The following KCNJ3 variants were observed in gnomAD, a reference collection of about 807,000 sequenced individuals.
The protein encoded by KCNJ3 is potassium inwardly rectifying channel subfamily J member 3.
A neutral mutation model predicts 39.2 loss-of-function variants in KCNJ3; 4 were observed. That is an observed-to-expected ratio of 0.10 (90% confidence interval 0.05 to 0.23). KCNJ3 has a LOEUF of 0.23. Among genes scored for constraint, KCNJ3 ranks in the 10% least tolerant of loss-of-function variants. KCNJ3 has a pLI of 1.00. For missense variants in KCNJ3, 276 were observed against 634.9 expected, an observed-to-expected ratio of 0.43 and a Z score of 6.08; for synonymous variants, 230 against 237.4, an observed-to-expected ratio of 0.97 and a Z score of 0.29.
At chr2:154,808,855 T>C (rs1686960993) in intron 2 of KCNJ3, among the ~76,000 whole-genome samples, 1 of 152,140 alleles carries the variant, frequency 6.6e-6, no homozygotes, top group East Asian at 1.9e-4. Context: ...TCATGAATCT[T>C]TTTCTGTACA....
chr2:154,836,614 AAAT>A (rs149937273), intron 2 of KCNJ3, among the ~76,000 whole-genome samples: 146,096 of 152,148 alleles, frequency 0.96, 70,178 homozygotes, highest in East Asian at 1. Flanking sequence ...ACATGTACTA[AAAT>A]AATATATATT....
intron 2 of KCNJ3, among the ~76,000 whole-genome samples, chr2:154,830,135 T>C (rs545700289): frequency 2.2e-4 from 33 of 152,288 alleles, no homozygotes; most frequent in African/African-American, 6.7e-4. Flanking sequence ...ATACAGGAAA[T>C]TCCTCCTCTG....
chr2:154,823,387 C>T (rs967565090), intron 2 of KCNJ3, among the ~76,000 whole-genome samples: 1 of 143,018 alleles, frequency 7.0e-6, no homozygotes, highest in Non-Finnish European at 1.5e-5. Context: ...ATTGCAGTAC[C>T]GTAGAAACTT....
At chr2:154,727,334 C>T (rs150880037) in intron 2 of KCNJ3, among the ~76,000 whole-genome samples, 5,784 of 151,750 alleles carry the variant, frequency 0.038, 182 homozygotes, top group Non-Finnish European at 0.052. Flanking sequence ...GCCTGTAATC[C>T]CAGCACTTTG....
In KCNJ3 at chr2:154,709,837, T is replaced by C; in HGVS notation, c.919+18T>C. On this transcript the variant is annotated intron_variant, in intron 2 of 2. Transcript: ENST00000295101. ...AACAACTGGTGAGTAAAAACAGATATGCCATAAAGTTTCTTTATACCATAA... is the reference window on the plus strand; with the variant it reads ...AACAACTGGTGAGTAAAAACAGATACGCCATAAAGTTTCTTTATACCATAA... 6.2e-7 allele frequency: 1 copy of C among 1,612,316 alleles called. No homozygotes were observed. Among genetic ancestry groups the C allele is most frequent in the Non-Finnish European group, 8.5e-7 (1 of 1,178,990 alleles).
intron 2 of KCNJ3, among the ~76,000 whole-genome samples, chr2:154,776,088 G>A (rs941389875): frequency 4.0e-5 from 6 of 149,810 alleles, no homozygotes; most frequent in African/African-American, 1.2e-4. Context: ...TGCAACCCCC[G>A]CCTCCTGGGT....
intron 2 of KCNJ3, among the ~76,000 whole-genome samples, chr2:154,814,361 G>A (rs1410456900): frequency 6.6e-6 from 1 of 152,062 alleles, no homozygotes; most frequent in East Asian, 1.9e-4. Context: ...ATTTTGGCTG[G>A]GTGCAGTGGC....
chr2:154,753,900 C>T (rs1685892128), intron 2 of KCNJ3, among the ~76,000 whole-genome samples: 1 of 152,068 alleles, frequency 6.6e-6, no homozygotes, highest in African/African-American at 2.4e-5. Context: ...TAGCAGAGTT[C>T]CCACTTACAC....
chr2:154,806,121 G>A (rs1447888934), intron 2 of KCNJ3, among the ~76,000 whole-genome samples: 6 of 152,034 alleles, frequency 3.9e-5, no homozygotes, highest in African/African-American at 7.2e-5. Context: ...GTTTCCTCTC[G>A]AGAATTGTGA....
intron 2 of KCNJ3, among the ~76,000 whole-genome samples, chr2:154,738,802 G>T (rs956214623): frequency 5.9e-5 from 9 of 151,924 alleles, no homozygotes; most frequent in Non-Finnish European, 1.0e-4. Context: ...AAAAGAAGGT[G>T]CAATTAAGCA....
intron 2 of KCNJ3, among the ~76,000 whole-genome samples, chr2:154,742,056 T>C (rs997847041): frequency 5.9e-5 from 9 of 151,810 alleles, no homozygotes; most frequent in Admixed American, 1.3e-4. Context: ...ACATGCTCAG[T>C]CCCTGGAAAC....
rs146412929 is a variant in KCNJ3 at position 154,742,587 on chromosome 2, G to A, written c.919+32768G>A. ...CATCCTAATTGATCTGAGGTGGTAT[G>A]TCATTATTGTTTTGGTTTGGAGTTC... On this transcript the variant is annotated intron_variant, in intron 2 of 2. Transcript: ENST00000295101. Among the ~76,000 whole-genome samples the A allele has an allele frequency of 1.7e-3, 260 of 151,892 alleles. 1 individual carries two copies. Among genetic ancestry groups the A allele is most frequent in the African/African-American group, 6.0e-3 (249 of 41,480 alleles).
intron 2 of KCNJ3, among the ~76,000 whole-genome samples, chr2:154,710,363 C>T (rs2105152115): frequency 6.6e-6 from 1 of 152,148 alleles, no homozygotes; most frequent in Middle Eastern, 3.4e-3. Context: ...GAACCTTGAC[C>T]AAAATTTCAT....
intron 2 of KCNJ3, among the ~76,000 whole-genome samples, chr2:154,808,138 T>C (rs13014946): frequency 6.6e-6 from 1 of 150,814 alleles, no homozygotes; most frequent in East Asian, 2.0e-4. Context: ...TGGAGTGCAG[T>C]GGAACAATCT....
At position 154,806,694 on chromosome 2, in the gene KCNJ3, A is replaced by G. The variant is rs568313360; in HGVS notation, c.920-48033A>G. On this transcript the variant is annotated intron_variant, in intron 2 of 2. Coordinates refer to ENST00000295101, the MANE Select transcript of KCNJ3 (RefSeq NM_002239.4). ...CACTCAGATTTTCACATCATGTGTA[A>G]GGCTACCATCAACATGACTCCAATC... Among the ~76,000 whole-genome samples, 3 of 152,292 alleles carry G rather than the reference A, an allele frequency of 2.0e-5. No homozygotes were observed. In the East Asian group the frequency reaches 5.8e-4, roughly 29 times the overall value.
chr2:154,814,155 T>A (rs971590731), intron 2 of KCNJ3, among the ~76,000 whole-genome samples: 3 of 152,218 alleles, frequency 2.0e-5, no homozygotes, highest in African/African-American at 7.2e-5. Flanking sequence ...AATTTTCTTT[T>A]TAAAACTAAA....
At chr2:154,778,282 C>A (rs1182843366) in intron 2 of KCNJ3, among the ~76,000 whole-genome samples, 1 of 151,868 alleles carries the variant, frequency 6.6e-6, no homozygotes. Context: ...TCATTTTGTT[C>A]TTTTATTAAA....
chr2:154,827,400 G>T (rs1687288298), intron 2 of KCNJ3, among the ~76,000 whole-genome samples: 1 of 152,012 alleles, frequency 6.6e-6, no homozygotes, highest in Non-Finnish European at 1.5e-5. Context: ...ATCGTCCTGT[G>T]ACTTAATGCT....
chr2:154,798,451 G>T (rs1012311440), intron 2 of KCNJ3, among the ~76,000 whole-genome samples: 4 of 152,058 alleles, frequency 2.6e-5, no homozygotes, highest in African/African-American at 9.7e-5. Flanking sequence ...AAGACAAACT[G>T]TGCAAGAACA....
Sources: allele counts gnomAD v4.1 joint callset (sites outside exome capture counted in the v4.1 genomes callset), GRCh38; gene constraint gnomAD v4.1.1; transcripts MANE v1.5; gene names NCBI Gene and HGNC (gene_info 2026-07-23, HGNC 2026-07-21).